ETFA: variants seen among roughly 807,000 people sequenced by gnomAD.
The protein encoded by ETFA is electron transfer flavoprotein subunit alpha.
A neutral mutation model predicts 46.2 loss-of-function variants in ETFA; 22 were observed. The observed-to-expected ratio is 0.48, with a 90% confidence interval of 0.34 to 0.68. ETFA has a LOEUF of 0.68. ETFA is among the 30% of genes least tolerant of loss of function. ETFA has a pLI of 0.01. For missense variants in ETFA, 345 were observed against 401.1 expected, an observed-to-expected ratio of 0.86 and a Z score of 1.19; for synonymous variants, 131 against 139.9, an observed-to-expected ratio of 0.94 and a Z score of 0.45.
chr15:76,273,578 AAAAC>A (rs2039562135), intron 9 of ETFA, among the ~76,000 whole-genome samples: 1 of 151,970 alleles, frequency 6.6e-6, no homozygotes, highest in African/African-American at 2.4e-5. Flanking sequence ...AAAACAAAAC[AAAAC>A]AAAAAAAACT....
chr15:76,260,751 C>T (rs2039402091), intron 9 of ETFA: 8 of 1,605,090 alleles, frequency 5.0e-6, no homozygotes, highest in South Asian at 2.2e-5. Context: ...TGGGGCTAGA[C>T]CCTTGGTCTG....
intron 9 of ETFA, among the ~76,000 whole-genome samples, chr15:76,258,170 T>TAATAAATAAATAAATA (rs10688626): frequency 6.6e-6 from 1 of 150,998 alleles, no homozygotes; most frequent in African/African-American, 2.5e-5. Context: ...TAAAGTATAA[T>TAATAAATAAATAAATA]AATAAATAAA....
At chr15:76,265,049 G>C (rs1453150051) in intron 9 of ETFA, among the ~76,000 whole-genome samples, 1 of 152,214 alleles carries the variant, frequency 6.6e-6, no homozygotes, top group Non-Finnish European at 1.5e-5. Flanking sequence ...GGCACAGCCA[G>C]TGCCCTTAAC....
In ETFA at chr15:76,280,394, G is replaced by C. The variant is rs1278065108; in HGVS notation, c.733+3363C>G. On this transcript the variant is annotated intron_variant, in intron 8 of 11. Transcript: ENST00000557943. ...TTCTCTCATAATCCACATCCAATCT[G>C]TCGGGAAATCCTGATGGCTCTACCT... is the stretch of plus-strand genomic sequence containing the variant. Among the ~76,000 whole-genome samples, 4 of 152,190 alleles carry C rather than the reference G, an allele frequency of 2.6e-5. No individual in the cohort carries two copies. The East Asian group carries it at 7.7e-4, about 29-fold the overall frequency.
chr15:76,259,836 C>T, intron 9 of ETFA: 1 of 1,544,486 alleles, frequency 6.5e-7, no homozygotes, highest in Non-Finnish European at 8.9e-7. Flanking sequence ...AAGGGGTTCT[C>T]CCCAAGCCAG....
intron 9 of ETFA, chr15:76,260,474 G>C (rs1044232822): frequency 4.5e-6 from 7 of 1,559,020 alleles, no homozygotes; most frequent in South Asian, 1.1e-5. Flanking sequence ...CATGAGAAGA[G>C]ACCACCAGTG....
intron 9 of ETFA, among the ~76,000 whole-genome samples, chr15:76,269,804 T>C (rs1567210310): frequency 6.6e-6 from 1 of 151,920 alleles, no homozygotes; most frequent in Non-Finnish European, 1.5e-5. Context: ...ATTAAGAAAA[T>C]AAATAGGTAA....
Position 76,231,408 on chromosome 15 carries a change from AAG to A in ETFA, c.817-12_817-11del, listed in dbSNP as rs763014977. 1.9e-6 allele frequency: 3 copies of A among 1,549,482 alleles called. No individual in the cohort carries two copies. Among genetic ancestry groups the A allele is most frequent in the Non-Finnish European group, 2.7e-6 (3 of 1,121,572 alleles). On this transcript the variant is annotated splice_polypyrimidine_tract_variant and intron_variant, in intron 9 of 11. Coordinates refer to ENST00000557943, the MANE Select transcript of ETFA (RefSeq NM_000126.4). ...CAGCAATATAAAGTTCCTGAAATAA[AAG>A]AGGTCACATTATTAATATGTATTTA...
Position 76,292,656 on chromosome 15 carries a change from C to G in ETFA, c.231G>C (p.Leu77=). 1 of 1,614,046 alleles carries G rather than the reference C, an allele frequency of 6.2e-7. No homozygotes were observed. Among genetic ancestry groups the G allele is most frequent in the Non-Finnish European group, 8.5e-7 (1 of 1,179,900 alleles). The change falls in exon 3 of 12, where the codon CTG becomes CTC. Residue 77 remains leucine, a synonymous_variant. Coordinates refer to ENST00000557943, the MANE Select transcript of ETFA (RefSeq NM_000126.4). The part of the protein sequence containing the change: ...LCKVAGIAKV[L]VAQHDVYKGL... ...CTTTGTACACATCATGCTGAGCCAC[C>G]AGAACTTTTGCTATGCCTGCTACTT...
intron 9 of ETFA, among the ~76,000 whole-genome samples, chr15:76,244,947 C>A (rs2039230961): frequency 6.6e-6 from 1 of 152,146 alleles, no homozygotes; most frequent in African/African-American, 2.4e-5. Flanking sequence ...GGATAAAGAA[C>A]TTCACTGATA....
intron 1 of ETFA, among the ~76,000 whole-genome samples, chr15:76,302,559 G>A (rs1414508738): frequency 6.7e-6 from 1 of 148,728 alleles, no homozygotes; most frequent in Admixed American, 6.6e-5. Context: ...AGTGGGGGCG[G>A]GGGCAGTGAA....
chr15:76,224,141 G>A (rs2038982745), intron 11 of ETFA, among the ~76,000 whole-genome samples: 1 of 152,030 alleles, frequency 6.6e-6, no homozygotes, highest in Non-Finnish European at 1.5e-5. Context: ...CCAATAGTAA[G>A]AACTGAATTC....
At chr15:76,264,681 G>C (rs988439344) in intron 9 of ETFA, among the ~76,000 whole-genome samples, 1 of 152,202 alleles carries the variant, frequency 6.6e-6, no homozygotes, top group Non-Finnish European at 1.5e-5. Flanking sequence ...GAGAGGGAAG[G>C]CTCATTTAGC....
At chr15:76,256,262 GAAA>G (rs59670988) in intron 9 of ETFA, among the ~76,000 whole-genome samples, 1 of 95,660 alleles carries the variant, frequency 1.0e-5, no homozygotes, top group Non-Finnish European at 2.1e-5. Context: ...CCGTCTCAAG[GAAA>G]AAAAAAAAAA....
chr15:76,273,008 T>C (rs2039554577), intron 9 of ETFA, among the ~76,000 whole-genome samples: 1 of 151,982 alleles, frequency 6.6e-6, no homozygotes, highest in Admixed American at 6.5e-5. Flanking sequence ...TTCTGACTTC[T>C]TTTCTGACTT....
rs559905290 is a variant in ETFA, at chr15:76,218,483, T to C, written c.964-1886A>G. ...ATGGGGTTTCACCAAGTTGGTCAAG[T>C]TGGTCTCAACCTCCTGACCTCAGGT... On this transcript the variant is annotated intron_variant, in intron 11 of 11. Coordinates refer to ENST00000557943, the MANE Select transcript of ETFA (RefSeq NM_000126.4). 2.6e-5 allele frequency among the ~76,000 whole-genome samples: 4 copies of C among 152,250 alleles called. No homozygotes were observed. In the South Asian group the frequency reaches 8.3e-4, roughly 32 times the overall value.
intron 1 of ETFA, chr15:76,310,094 A>AAAAAAAAAAAAAAAC: frequency 6.5e-6 from 1 of 154,478 alleles, no homozygotes; most frequent in Non-Finnish European, 1.3e-5. Context: ...AAAAAAAAAA[A>AAAAAAAAAAAAAAAC]AATTAGCCAG....
chr15:76,244,119 G>C (rs557059472), intron 9 of ETFA, among the ~76,000 whole-genome samples: 1 of 152,042 alleles, frequency 6.6e-6, no homozygotes, highest in Non-Finnish European at 1.5e-5. Flanking sequence ...TGCCAACCTC[G>C]GGTGATTTGC....
At chr15:76,260,048 C>T (rs1026225762) in intron 9 of ETFA, 5 of 1,483,384 alleles carry the variant, frequency 3.4e-6, no homozygotes, top group Non-Finnish European at 4.7e-6. Context: ...ATGAGATCAG[C>T]TTTCAGCATC....
Sources: allele counts gnomAD v4.1 joint callset (sites outside exome capture counted in the v4.1 genomes callset), GRCh38; gene constraint gnomAD v4.1.1; transcripts MANE v1.5; gene names NCBI Gene and HGNC (gene_info 2026-07-23, HGNC 2026-07-21).